Variants in ZDHHC2 observed in about 807,000 individuals in gnomAD.
ZDHHC2 encodes zDHHC palmitoyltransferase 2, also known as palmitoyltransferase ZDHHC2.
A neutral mutation model predicts 55.6 loss-of-function variants in ZDHHC2; 51 were observed. That is an observed-to-expected ratio of 0.92 (90% CI 0.73 to 1.16). ZDHHC2 has a LOEUF of 1.16. ZDHHC2 is among the 50% of genes most tolerant of loss of function. The pLI is 0.00. For missense variants in ZDHHC2, 491 were observed against 442.4 expected, an observed-to-expected ratio of 1.11 and a Z score of -0.99; for synonymous variants, 199 against 152.9, an observed-to-expected ratio of 1.30 and a Z score of -2.22.
chr8:17,201,336 T>G (rs1806750166), intron 6 of ZDHHC2, among the ~76,000 whole-genome samples: 1 of 152,076 alleles, frequency 6.6e-6, no homozygotes, highest in Non-Finnish European at 1.5e-5. Context: ...TTTCTTCACT[T>G]AATGTATCCT....
At chr8:17,161,775 G>A (rs577307090) in intron 1 of ZDHHC2, among the ~76,000 whole-genome samples, 1 of 152,120 alleles carries the variant, frequency 6.6e-6, no homozygotes, top group Admixed American at 6.5e-5. Context: ...AGAAGAAATT[G>A]CCTGAACCGG....
chr8:17,214,523 T>C (rs1807548493), intron 10 of ZDHHC2, among the ~76,000 whole-genome samples: 1 of 152,226 alleles, frequency 6.6e-6, no homozygotes, highest in Non-Finnish European at 1.5e-5. Context: ...TATTTTTCTG[T>C]ATTTAAATTG....
chr8:17,163,505 A>G (rs572282209), intron 1 of ZDHHC2, among the ~76,000 whole-genome samples: 2 of 152,182 alleles, frequency 1.3e-5, no homozygotes, highest in South Asian at 2.1e-4. Flanking sequence ...TTTTTGTTTC[A>G]TTTGTTTTTA....
At chr8:17,205,625 T>C (rs1000263006) in intron 6 of ZDHHC2, 30 bp from the exon 7 acceptor site, 8 of 1,574,842 alleles carry the variant, frequency 5.1e-6, no homozygotes, top group Non-Finnish European at 6.9e-6. Context: ...GATGTAAAAC[T>C]CACTGGAAAT....
rs549636939 is a variant in ZDHHC2, at chr8:17,217,035, A to G, written c.1064-137A>G. 215 of 720,132 alleles carry G rather than the reference A, an allele frequency of 3.0e-4. 1 individual carries two copies. In the South Asian group the frequency reaches 3.4e-3, roughly 11 times the overall value. The allele number at this position is 720,132 out of a possible 1,614,324, so 44.6% of individuals were successfully genotyped here. Reference sequence around the variant, plus strand: ...GGTGTGTGTGTGTTTCTATATCACCATCTTATATATACCCTTATTATGTAC... The same window carrying G: ...GGTGTGTGTGTGTTTCTATATCACCGTCTTATATATACCCTTATTATGTAC... On this transcript the variant is annotated intron_variant, in intron 11 of 12. Transcript: ENST00000262096.
At chr8:17,195,657 A>G (rs1806269883) in intron 4 of ZDHHC2, 33 bp downstream of exon 4, 3 of 1,612,132 alleles carry the variant, frequency 1.9e-6, no homozygotes, top group Admixed American at 3.3e-5. Context: ...TTGCAATGGT[A>G]TGCAAATAAC....
chr8:17,168,006 G>A (rs1804687842), intron 1 of ZDHHC2, among the ~76,000 whole-genome samples: 1 of 152,082 alleles, frequency 6.6e-6, no homozygotes, highest in African/African-American at 2.4e-5. Context: ...TCTAACATGT[G>A]TTTCAATCTT....
intron 1 of ZDHHC2, among the ~76,000 whole-genome samples, chr8:17,167,165 G>A (rs904096360): frequency 1.3e-5 from 2 of 152,124 alleles, no homozygotes; most frequent in East Asian, 3.9e-4. Flanking sequence ...AACTTGTTCA[G>A]TTTGAGCCCT....
intron 3 of ZDHHC2, among the ~76,000 whole-genome samples, chr8:17,188,870 GAC>G (rs753975657): frequency 1.3e-5 from 2 of 152,102 alleles, no homozygotes; most frequent in Non-Finnish European, 2.9e-5. Flanking sequence ...TGTCAGTAAT[GAC>G]AGTTTCACTC....
At position 17,191,178 on chromosome 8, in the gene ZDHHC2, T is replaced by C. The variant is rs186824581; in HGVS notation, c.253-4326T>C. On this transcript the variant is annotated intron_variant, in intron 3 of 12. Coordinates refer to ENST00000262096, the MANE Select transcript of ZDHHC2 (RefSeq NM_016353.5). ...AGTTTCACCATGTTGGCCAGGCTGG[T>C]CTCAAACTCCTGACCTCGTGATCCG... is the stretch of plus-strand genomic sequence containing the variant. 2.5e-3 allele frequency among the ~76,000 whole-genome samples: 380 copies of C among 152,094 alleles called. 2 individuals carry two copies. The highest frequency in any genetic ancestry group is 0.01 in the Middle Eastern group (3 of 294).
At chr8:17,196,603 A>C (rs920807309) in intron 4 of ZDHHC2, among the ~76,000 whole-genome samples, 2 of 151,138 alleles carry the variant, frequency 1.3e-5, no homozygotes, top group African/African-American at 4.9e-5. Flanking sequence ...AACAGGAAAA[A>C]CTCATTAAGA....
At chr8:17,163,364 C>T (rs550405329) in intron 1 of ZDHHC2, among the ~76,000 whole-genome samples, 1 of 152,232 alleles carries the variant, frequency 6.6e-6, no homozygotes, top group South Asian at 2.1e-4. Flanking sequence ...CATGGTCCAG[C>T]GAGCTCAGGT....
intron 1 of ZDHHC2, among the ~76,000 whole-genome samples, chr8:17,177,434 A>G (rs1805199607): frequency 6.6e-6 from 1 of 152,240 alleles, no homozygotes; most frequent in Non-Finnish European, 1.5e-5. Flanking sequence ...TATTGTAAAG[A>G]TATTAAAGCA....
At chr8:17,158,565 G>T (rs1180693789) in intron 1 of ZDHHC2, among the ~76,000 whole-genome samples, 1 of 152,234 alleles carries the variant, frequency 6.6e-6, no homozygotes, top group Non-Finnish European at 1.5e-5. Flanking sequence ...GTATTGGGTA[G>T]ACAGGTGATG....
intron 1 of ZDHHC2, among the ~76,000 whole-genome samples, chr8:17,165,745 G>C (rs1013061804): frequency 8.5e-5 from 13 of 152,176 alleles, no homozygotes; most frequent in African/African-American, 3.1e-4. Flanking sequence ...GCAAAAAGTA[G>C]GGCAAGAAGG....
intron 7 of ZDHHC2, among the ~76,000 whole-genome samples, chr8:17,206,600 A>G (rs751617265): frequency 6.6e-6 from 1 of 152,212 alleles, no homozygotes; most frequent in Non-Finnish European, 1.5e-5. Flanking sequence ...TTTTTAAACT[A>G]TCATGCCTAT....
At chr8:17,173,292 C>T (rs80113338) in intron 1 of ZDHHC2, among the ~76,000 whole-genome samples, 40 of 152,286 alleles carry the variant, frequency 2.6e-4, no homozygotes, top group African/African-American at 9.4e-4. Context: ...GAAGTTATAC[C>T]TCTGTGAGAC....
intron 3 of ZDHHC2, among the ~76,000 whole-genome samples, chr8:17,193,908 G>GT (rs1287787339): frequency 1.3e-5 from 2 of 152,066 alleles, no homozygotes; most frequent in Non-Finnish European, 2.9e-5. Context: ...TCCTAGTGCT[G>GT]TCCCTCCCCT....
chr8:17,199,509 T>TTCTTCTTCTACTTCGTCTTCG (rs1297662337), intron 6 of ZDHHC2, among the ~76,000 whole-genome samples: 1 of 121,116 alleles, frequency 8.3e-6, no homozygotes, highest in Non-Finnish European at 1.6e-5. Flanking sequence ...CTTCTTCTTC[T>TTCTTCTTCTACTTCGTCTTCG]TCTTCGTCTT....
Sources: gnomAD v4.1 joint callset for allele counts (sites outside exome capture counted in the v4.1 genomes callset) on GRCh38, gnomAD v4.1.1 for gene constraint, MANE v1.5 for transcripts, NCBI Gene and HGNC (gene_info 2026-07-23, HGNC 2026-07-21) for gene names.